USP44: variants seen among roughly 807,000 people sequenced by gnomAD.
USP44 encodes ubiquitin specific peptidase 44, also known as ubiquitin carboxyl-terminal hydrolase 44.
Under a neutral mutation model 69.0 loss-of-function variants are expected in USP44, and 61 were observed. The observed-to-expected ratio is 0.88, with a 90% CI of 0.72 to 1.09. The LOEUF (loss-of-function observed/expected upper bound fraction) is 1.09. Among genes scored for constraint, USP44 ranks in the 50% least tolerant of loss-of-function variants. The pLI is 0.00. For synonymous variants in USP44, 297 were observed against 295.4 expected (o/e 1.01, Z -0.06); for missense variants, 753 against 849.9 (o/e 0.89, Z 1.42).
Position 95,524,744 on chromosome 12 carries a change from C to A in USP44, c.1669G>T (p.Ala557Ser), listed in dbSNP as rs1455311028. Reference protein sequence around the residue: ...FSSKPVVLTEAQKQLMICHLP... With the variant: ...FSSKPVVLTESQKQLMICHLP... ...TGGCATATCATAAGTTGTTTCTGGG[C>A]TTCTGTGAGTACAACTGGTTTGGAG... Residue 557 changes from alanine (A) to serine (S), a missense_variant, in exon 4 of 6, where the codon GCC (alanine) becomes TCC (serine). Transcript: ENST00000258499. 3 of 1,612,420 alleles carry A rather than the reference C, an allele frequency of 1.9e-6. No homozygotes were observed. The Admixed American group carries it at 5.0e-5, about 27-fold the overall frequency.
intron 1 of USP44, among the ~76,000 whole-genome samples, chr12:95,535,761 T>C (rs2077178556): frequency 6.6e-6 from 1 of 152,080 alleles, no homozygotes; most frequent in Non-Finnish European, 1.5e-5. Context: ...CAAAGACAAA[T>C]TTCAGGGTTT....
Position 95,518,185 on chromosome 12 carries a change from G to C in USP44, c.2108C>G (p.Ala703Gly). The C allele has an allele frequency of 6.2e-7, 1 of 1,614,148 alleles. No individual in the cohort carries two copies. ...AAGGATTTCATTAGACGAGGTATCA[G>C]CGTCTTCATTGGGATGTTGGCTCCC... ...LLGSQHPNED[A>G]DTSSNEILS Residue 703 changes from alanine (A) to glycine (G), a missense_variant, in exon 6 of 6, where the codon GCT (alanine) becomes GGT (glycine). Transcript: ENST00000258499.
At chr12:95,543,828 G>A (rs12823146) in intron 1 of USP44, among the ~76,000 whole-genome samples, 1 of 150,196 alleles carries the variant, frequency 6.7e-6, no homozygotes. Flanking sequence ...TTAGCCAGGC[G>A]TAGTGGCGGG....
chr12:95,544,410 TCA>T (rs2077506467), intron 1 of USP44, among the ~76,000 whole-genome samples: 1 of 152,024 alleles, frequency 6.6e-6, no homozygotes, highest in South Asian at 2.1e-4. Flanking sequence ...TCTTTCAACC[TCA>T]GTTTATGAAG....
intron 4 of USP44, among the ~76,000 whole-genome samples, chr12:95,524,125 G>T (rs1460943203): frequency 1.3e-5 from 2 of 152,022 alleles, no homozygotes; most frequent in African/African-American, 2.4e-5. Flanking sequence ...CTGTCGCCCA[G>T]GCTGGAGTGC....
intron 1 of USP44, among the ~76,000 whole-genome samples, chr12:95,547,814 G>T (rs1387013188): frequency 6.6e-6 from 1 of 152,156 alleles, no homozygotes; most frequent in Non-Finnish European, 1.5e-5. Flanking sequence ...GGGACTTGAG[G>T]ACTGGTCTGA....
chr12:95,529,138 T>C (rs941646333), intron 2 of USP44, 136 bp from the exon 3 acceptor site: 21 of 747,524 alleles, frequency 2.8e-5, no homozygotes, highest in Non-Finnish European at 3.9e-5. Flanking sequence ...ATCTGCTTTA[T>C]ATTCTTGTCA....
At chr12:95,536,036 T>A (rs2077188907) in intron 1 of USP44, among the ~76,000 whole-genome samples, 1 of 127,718 alleles carries the variant, frequency 7.8e-6, no homozygotes, top group Non-Finnish European at 1.8e-5. Context: ...TTCCTTTTTT[T>A]TCCTTTTTTT....
chr12:95,538,936 G>A (rs538643099), intron 1 of USP44, among the ~76,000 whole-genome samples: 25 of 152,328 alleles, frequency 1.6e-4, no homozygotes, highest in African/African-American at 5.5e-4. Context: ...TCGCTCTGGC[G>A]TCAGCAGATT....
At position 95,528,906 on chromosome 12, in the gene USP44, C is replaced by G. The variant is rs1565813839; in HGVS notation, c.1525G>C (p.Asp509His). ...ACCAGACATGGCTGGGAAGCAATAT[C>G]TTTTCCACTGCATTGATACCTTTCT... ...FPERYQCSGK[D>H]IASQPCLVTE... is the part of the protein sequence containing the mutation. Residue 509 changes from aspartate to histidine, a missense_variant, in exon 3 of 6, where the codon GAT (aspartate) becomes CAT (histidine). Transcript: ENST00000258499. 1 of 1,614,048 alleles carries G rather than the reference C, an allele frequency of 6.2e-7. No individual in the cohort carries two copies. The highest frequency in any genetic ancestry group is 8.5e-7 in the Non-Finnish European group (1 of 1,179,996).
At position 95,517,943 on chromosome 12, in the gene USP44, C is replaced by T. The variant is rs1003575358; in HGVS notation, c.*211G>A. 3 of 456,670 alleles carry T rather than the reference C, an allele frequency of 6.6e-6. No homozygotes were observed. Among genetic ancestry groups the T allele is most frequent in the African/African-American group, 2.0e-5 (1 of 50,754 alleles). The allele number at this position is 456,670 out of a possible 1,614,324, so 28.3% of individuals were successfully genotyped here. A position where few individuals can be genotyped will look rare whatever the true frequency, so the allele number is the denominator to read the frequency against. On this transcript the variant is annotated 3_prime_UTR_variant, in exon 6 of 6. Coordinates refer to ENST00000258499, the MANE Select transcript of USP44 (RefSeq NM_032147.5). ...AGAGGTAACATCAGTCTGAGGTAAA[C>T]ACCAAAAGTTTAAAACTCCAAATAT... is the stretch of plus-strand genomic sequence containing the variant.
chr12:95,542,509 T>C (rs1212248452), intron 1 of USP44, among the ~76,000 whole-genome samples: 1 of 152,202 alleles, frequency 6.6e-6, no homozygotes, highest in African/African-American at 2.4e-5. Context: ...CTTACGCTTG[T>C]AATCCCAGCA....
At chr12:95,529,317 T>C (rs1468612900) in intron 2 of USP44, among the ~76,000 whole-genome samples, 1 of 152,114 alleles carries the variant, frequency 6.6e-6, no homozygotes, top group Non-Finnish European at 1.5e-5. Context: ...CATATATACA[T>C]ATATACATAT....
At chr12:95,524,572 CAGAA>C in intron 4 of USP44, 104 bp downstream of exon 4, 1 of 751,862 alleles carries the variant, frequency 1.3e-6, no homozygotes, top group African/African-American at 1.8e-5. Context: ...ATTCATTTGT[CAGAA>C]AGGTGATTAA....
chr12:95,536,354 C>A (rs143198011), intron 1 of USP44, among the ~76,000 whole-genome samples: 2 of 151,948 alleles, frequency 1.3e-5, no homozygotes, highest in African/African-American at 4.8e-5. Flanking sequence ...CCATTTCACA[C>A]GTTTTAAGTG....
At chr12:95,545,121 A>G (rs1472669788) in intron 1 of USP44, among the ~76,000 whole-genome samples, 1 of 152,088 alleles carries the variant, frequency 6.6e-6, no homozygotes, top group Non-Finnish European at 1.5e-5. Flanking sequence ...AATTTTTAAA[A>G]CTCTTCATAA....
chr12:95,520,792 C>T (rs1053062684), intron 5 of USP44, among the ~76,000 whole-genome samples: 4 of 152,134 alleles, frequency 2.6e-5, no homozygotes, highest in Non-Finnish European at 5.9e-5. Flanking sequence ...TCCCTCCAGC[C>T]CTTAGTCAAA....
rs747410654 is a variant in USP44 at position 95,528,825 on chromosome 12, C to T, written c.1606G>A (p.Val536Ile). 57 of 1,613,766 alleles carry T rather than the reference C, an allele frequency of 3.5e-5. No individual in the cohort carries two copies. The highest frequency in any genetic ancestry group is 6.7e-5 in the East Asian group (3 of 44,848). The change falls in exon 3 of 6, where the codon GTA (valine) becomes ATA (isoleucine). Residue 536 changes from valine to isoleucine, a missense_variant. Coordinates refer to ENST00000258499, the MANE Select transcript of USP44 (RefSeq NM_032147.5). Reference sequence around the variant, plus strand: ...TACTCACAGTTACACTGGTCACATACGTAGATTTTTCCTTCTAAAGCTTCA... The same window carrying T: ...TACTCACAGTTACACTGGTCACATATGTAGATTTTTCCTTCTAAAGCTTCA... ...ETEALEGKIY[V>I]CDQCNSKRRR... is the part of the protein sequence containing the mutation.
intron 1 of USP44, among the ~76,000 whole-genome samples, chr12:95,550,982 C>G (rs1347682720): frequency 1.3e-5 from 2 of 152,062 alleles, no homozygotes; most frequent in African/African-American, 4.8e-5. Context: ...TTTCTTCATA[C>G]TTATTACTAC....
Sources: gnomAD v4.1 joint callset for allele counts (sites outside exome capture counted in the v4.1 genomes callset) on GRCh38, gnomAD v4.1.1 for gene constraint, MANE v1.5 for transcripts, NCBI Gene and HGNC (gene_info 2026-07-23, HGNC 2026-07-21) for gene names.